The following ARIH1 variants were observed in gnomAD, a reference collection of about 807,000 sequenced individuals.
The protein encoded by ARIH1 is ariadne RBR E3 ubiquitin protein ligase 1.
ARIH1 carries 8 observed loss-of-function variants against 85.0 expected under a neutral mutation model. The observed-to-expected ratio is 0.09, with a 90% CI of 0.06 to 0.17. The LOEUF is 0.17. ARIH1 is among the 10% of genes least tolerant of loss of function. The probability of loss-of-function intolerance (pLI) is 1.00; values close to 1 mark genes in which losing one functional copy is unlikely to be tolerated. For synonymous variants in ARIH1, 238 were observed against 253.6 expected (o/e 0.94, Z 0.59); for missense variants, 311 against 718.1 (o/e 0.43, Z 6.48).
intron 2 of ARIH1, among the ~76,000 whole-genome samples, chr15:72,535,605 C>G (rs117958556): frequency 6.6e-6 from 1 of 152,260 alleles, no homozygotes; most frequent in African/African-American, 2.4e-5. Context: ...ATTGAAAAAT[C>G]GTTATCAAAA....
Position 72,594,022 on chromosome 15 carries a change from T to C in ARIH1, c.*10730T>C, listed in dbSNP as rs2064353049. On this transcript the variant is annotated 3_prime_UTR_variant, in exon 14 of 14. Transcript: ENST00000379887. ...TTGAGTCAGCTAATTCATGAACATATTAAGTCTTGTCATTTATTTAGGTAT... is the reference window on the plus strand; with the variant it reads ...TTGAGTCAGCTAATTCATGAACATACTAAGTCTTGTCATTTATTTAGGTAT... 1 of 152,122 alleles carries C rather than the reference T, an allele frequency of 6.6e-6. No individual in the cohort carries two copies. Among genetic ancestry groups the C allele is most frequent in the Non-Finnish European group, 1.5e-5 (1 of 68,016 alleles). The allele number at this position is 152,122 out of a possible 1,614,324, so 9.4% of individuals were successfully genotyped here. A position where few individuals can be genotyped will look rare whatever the true frequency, so the allele number is the denominator to read the frequency against.
At position 72,474,547 on chromosome 15, in the gene ARIH1, C is replaced by T. The variant is rs1335638467; in HGVS notation, c.-93C>T. On this transcript the variant is annotated 5_prime_UTR_variant, in exon 1 of 14. Transcript: ENST00000379887. ...GGCCGGAGCCAGGCCTGCGTCCGGA[C>T]ATCAGCCGGAGCCGGAGCGAGAGCC... 1 of 1,415,768 alleles carries T rather than the reference C, an allele frequency of 7.1e-7. No individual in the cohort carries two copies. Among genetic ancestry groups the T allele is most frequent in the Non-Finnish European group, 9.3e-7 (1 of 1,079,018 alleles). The allele number at this position is 1,415,768 out of a possible 1,614,324, so 87.7% of individuals were successfully genotyped here.
Position 72,584,293 on chromosome 15 carries a change from A to T in ARIH1, c.*1001A>T, listed in dbSNP as rs2064306916. ...TTTTGTTGCTACAGCTCATGAATTAACCTGTCCCAACCTAATCCCCCTCCA... is the reference window on the plus strand; with the variant it reads ...TTTTGTTGCTACAGCTCATGAATTATCCTGTCCCAACCTAATCCCCCTCCA... On this transcript the variant is annotated 3_prime_UTR_variant, in exon 14 of 14. Coordinates refer to ENST00000379887, the MANE Select transcript of ARIH1 (RefSeq NM_005744.5). 1 of 152,074 alleles carries T rather than the reference A, an allele frequency of 6.6e-6. No individual in the cohort carries two copies. Among genetic ancestry groups the T allele is most frequent in the Non-Finnish European group, 1.5e-5 (1 of 68,022 alleles). 9.4% of individuals were successfully genotyped at this position (152,074 alleles called of 1,614,324 possible).
intron 11 of ARIH1, 108 bp downstream of exon 11, chr15:72,572,273 T>G: frequency 1.3e-6 from 1 of 783,526 alleles, no homozygotes. Context: ...TGTCTCGCTT[T>G]GTCGCCCAGG....
chr15:72,523,989 C>T lies in ARIH1; in HGVS notation c.443+5855C>T, dbSNP rs139860083. On this transcript the variant is annotated intron_variant, in intron 2 of 13. Coordinates refer to ENST00000379887, the MANE Select transcript of ARIH1 (RefSeq NM_005744.5). ...TGAGATGGAGTCTCGCTCTTTTGCCCAGGCTGGAGTGCAGTGGCGCAATCT... is the reference window on the plus strand; with the variant it reads ...TGAGATGGAGTCTCGCTCTTTTGCCTAGGCTGGAGTGCAGTGGCGCAATCT... Among the ~76,000 whole-genome samples, 60 of 133,704 alleles carry T rather than the reference C, an allele frequency of 4.5e-4. 2 individuals carry two copies. The East Asian group carries it at 0.014, about 30-fold the overall frequency. 87.7% of individuals were successfully genotyped at this position (133,704 alleles called of 152,430 possible). A position where few individuals can be genotyped will look rare whatever the true frequency, so the allele number is the denominator to read the frequency against.
chr15:72,537,544 C>T (rs1430282526), intron 2 of ARIH1, among the ~76,000 whole-genome samples: 1 of 152,164 alleles, frequency 6.6e-6, no homozygotes, highest in African/African-American at 2.4e-5. Context: ...CATCTTCATA[C>T]CTCATGTTAC....
At position 72,584,075 on chromosome 15, in the gene ARIH1, T is replaced by C. The variant is rs1025534091; in HGVS notation, c.*783T>C. On this transcript the variant is annotated 3_prime_UTR_variant, in exon 14 of 14. Transcript: ENST00000379887. ...TCCCGGGTTGGGGTTGGGATAAAGG[T>C]GTGTCGGTTTAGCACCTCTGGAAGA... 4 of 152,162 alleles carry C rather than the reference T, an allele frequency of 2.6e-5. No homozygotes were observed. Among genetic ancestry groups the C allele is most frequent in the African/African-American group, 9.7e-5 (4 of 41,426 alleles). The allele number at this position is 152,162 out of a possible 1,614,324, so 9.4% of individuals were successfully genotyped here. A position where few individuals can be genotyped will look rare whatever the true frequency, so the allele number is the denominator to read the frequency against.
At chr15:72,510,426 A>G (rs1358252141) in intron 1 of ARIH1, among the ~76,000 whole-genome samples, 5 of 152,096 alleles carry the variant, frequency 3.3e-5, no homozygotes, top group Non-Finnish European at 7.4e-5. Flanking sequence ...TCCATTATTA[A>G]TTTTGTATTA....
At chr15:72,549,224 A>C (rs1238568129) in intron 3 of ARIH1, among the ~76,000 whole-genome samples, 2 of 151,272 alleles carry the variant, frequency 1.3e-5, no homozygotes, top group Non-Finnish European at 2.9e-5. Context: ...AGTAGCTGGG[A>C]TTACAGCCGC....
intron 1 of ARIH1, among the ~76,000 whole-genome samples, chr15:72,485,922 G>A (rs1190895754): frequency 6.6e-6 from 1 of 152,164 alleles, no homozygotes; most frequent in South Asian, 2.1e-4. Context: ...TAATCAGGCT[G>A]TTTCTAACCT....
In ARIH1 at chr15:72,581,092, A is replaced by G. The variant is rs2064293382; in HGVS notation, c.1476+101A>G. 4.8e-6 allele frequency: 6 copies of G among 1,242,782 alleles called. No individual in the cohort carries two copies. In the South Asian group the frequency reaches 7.4e-5, roughly 15 times the overall value. 77.0% of individuals were successfully genotyped at this position (1,242,782 alleles called of 1,614,324 possible). On this transcript the variant is annotated intron_variant, in intron 12 of 13. Coordinates refer to ENST00000379887, the MANE Select transcript of ARIH1 (RefSeq NM_005744.5). ...GAGTTTTCAGGGTTCTTGTTTGTTCAGAACATGTAGGTAGACGAATGTATT... is the reference window on the plus strand; with the variant it reads ...GAGTTTTCAGGGTTCTTGTTTGTTCGGAACATGTAGGTAGACGAATGTATT...
chr15:72,490,242 CAA>C (rs35694095), intron 1 of ARIH1, among the ~76,000 whole-genome samples: 7 of 117,066 alleles, frequency 6.0e-5, no homozygotes, highest in African/African-American at 9.6e-5. Flanking sequence ...GTCTCCTTCT[CAA>C]AAAAAAAAAA....
intron 9 of ARIH1, among the ~76,000 whole-genome samples, chr15:72,568,635 A>T (rs2064230916): frequency 6.6e-6 from 1 of 152,220 alleles, no homozygotes; most frequent in Non-Finnish European, 1.5e-5. Flanking sequence ...CCCTAAACAG[A>T]TATGCATATT....
intron 11 of ARIH1, among the ~76,000 whole-genome samples, chr15:72,573,542 C>CTA: frequency 6.6e-6 from 1 of 152,180 alleles, no homozygotes; most frequent in East Asian, 1.9e-4. Context: ...GAGTGAGACT[C>CTA]TGTCGCTAAA....
chr15:72,567,086 C>T lies in ARIH1; in HGVS notation c.955-20C>T. On this transcript the variant is annotated intron_variant, in intron 8 of 13. Coordinates refer to ENST00000379887, the MANE Select transcript of ARIH1 (RefSeq NM_005744.5). ...TTAAAAGTCTTTTGTTGTATCCTAA[C>T]CGTTGTTATTTTCAAACAGTGGTTA... The T allele has an allele frequency of 1.9e-6, 3 of 1,588,088 alleles. No individual in the cohort carries two copies. Among genetic ancestry groups the T allele is most frequent in the Middle Eastern group, 1.7e-4 (1 of 5,962 alleles).
At chr15:72,515,777 C>A (rs1257981690) in intron 1 of ARIH1, among the ~76,000 whole-genome samples, 3 of 152,164 alleles carry the variant, frequency 2.0e-5, no homozygotes, top group Non-Finnish European at 4.4e-5. Flanking sequence ...GCCTCCCTTA[C>A]ACTTCTTTGG....
intron 5 of ARIH1, among the ~76,000 whole-genome samples, chr15:72,559,305 T>G (rs1347576689): frequency 6.6e-6 from 1 of 152,206 alleles, no homozygotes; most frequent in Non-Finnish European, 1.5e-5. Context: ...CTCTCTCTGT[T>G]GCCCAGAGTG....
At chr15:72,555,613 G>C (rs2064171675) in intron 4 of ARIH1, among the ~76,000 whole-genome samples, 1 of 152,202 alleles carries the variant, frequency 6.6e-6, no homozygotes, top group African/African-American at 2.4e-5. Context: ...GATTTTGTCA[G>C]ATTATCTCGC....
rs779944062 is a variant in ARIH1 at position 72,580,963 on chromosome 15, A to G, written c.1448A>G (p.Lys483Arg). The change falls in exon 12 of 14, where the codon AAA (lysine) becomes AGA (arginine). Residue 483 changes from lysine to arginine, a missense_variant. Physicochemically the swap from Lys to Arg is conservative, Grantham distance 26. Transcript: ENST00000379887. ...MYTYVFAFYL[K>R]KNNQSIIFEN... ...ACTTATGTCTTCGCTTTCTACCTCAAAAAGAATAACCAGTCCATTATCTTT... is the reference window on the plus strand; with the variant it reads ...ACTTATGTCTTCGCTTTCTACCTCAGAAAGAATAACCAGTCCATTATCTTT... The G allele has an allele frequency of 6.2e-7, 1 of 1,614,074 alleles. No homozygotes were observed.
Sources: allele counts gnomAD v4.1 joint callset (sites outside exome capture counted in the v4.1 genomes callset), GRCh38; gene constraint gnomAD v4.1.1; transcripts MANE v1.5; gene names NCBI Gene and HGNC (gene_info 2026-07-23, HGNC 2026-07-21).